The following MYO1D variants were observed in gnomAD, a reference collection of about 807,000 sequenced individuals.
MYO1D encodes the protein unconventional myosin-Id.
In MYO1D, 83 loss-of-function variants were observed where a neutral mutation model predicts 122.0. The ratio of observed to expected loss-of-function variants is 0.68; its 90% CI spans 0.57 to 0.82. The LOEUF is 0.82. Among genes scored for constraint, MYO1D ranks in the 40% least tolerant of loss-of-function variants. The probability of loss-of-function intolerance (pLI) is 0.00; values close to 1 mark genes in which losing one functional copy is unlikely to be tolerated. For missense variants in MYO1D, 1,157 were observed against 1,269.5 expected (o/e 0.91, Z 1.35); for synonymous variants, 464 against 446.9 (o/e 1.04, Z -0.48).
At chr17:32,797,712 TAAG>T (rs1323235233) in intron 1 of MYO1D, among the ~76,000 whole-genome samples, 5 of 152,160 alleles carry the variant, frequency 3.3e-5, no homozygotes, top group Non-Finnish European at 7.4e-5. Flanking sequence ...CCCTCACAGA[TAAG>T]GAGGAGCTAT....
At position 32,673,090 on chromosome 17, in the gene MYO1D, C is replaced by CTTTTTTTTTTTTTTTTTTTTT. The variant is rs60912187; in HGVS notation, c.2122-13773_2122-13753dup. 7.3e-4 allele frequency among the ~76,000 whole-genome samples: 21 copies of CTTTTTTTTTTTTTTTTTTTTT among 28,654 alleles called. 8 individuals are homozygous for CTTTTTTTTTTTTTTTTTTTTT. Among genetic ancestry groups the CTTTTTTTTTTTTTTTTTTTTT allele is most frequent in the South Asian group, 3.2e-3 (2 of 632 alleles). The allele number at this position is 28,654 out of a possible 152,430, so 18.8% of individuals were successfully genotyped here. On this transcript the variant is annotated intron_variant, in intron 16 of 21. Coordinates refer to ENST00000318217, the MANE Select transcript of MYO1D (RefSeq NM_015194.3). The stretch of plus-strand genomic sequence containing the variant: ...TGTAAGGAATTACATAAACATGCTA[C>CTTTTTTTTTTTTTTTTTTTTT]TTTTTTTTTTTTTTTTTTTTTTTTT...
chr17:32,817,346 A>C (rs62070169), intron 1 of MYO1D, among the ~76,000 whole-genome samples: 5,946 of 152,332 alleles, frequency 0.039, 171 homozygotes, highest in South Asian at 0.055. Context: ...ACAGGAAAAC[A>C]ACCACCAGAT....
intron 21 of MYO1D, among the ~76,000 whole-genome samples, chr17:32,508,753 G>A (rs1394278619): frequency 6.6e-6 from 1 of 152,200 alleles, no homozygotes; most frequent in Non-Finnish European, 1.5e-5. Context: ...CTGCCTGCCC[G>A]AAGTGATAGA....
chr17:32,827,308 G>A (rs912938491), intron 1 of MYO1D, among the ~76,000 whole-genome samples: 1 of 152,114 alleles, frequency 6.6e-6, no homozygotes, highest in African/African-American at 2.4e-5. Context: ...GTCACAAAAG[G>A]ACAAATATTG....
chr17:32,494,734 C>T lies in MYO1D; in HGVS notation c.*25G>A. The T allele has an allele frequency of 6.4e-7, 1 of 1,567,676 alleles. No homozygotes were observed. The highest frequency in any genetic ancestry group is 1.2e-5 in the South Asian group (1 of 84,708). Reference sequence around the variant, plus strand: ...ACCCAGGACTCGGAGTGTGGCCGGGCTCCGGGCCAGGCCTCCGCGGGGCGT... The same window carrying T: ...ACCCAGGACTCGGAGTGTGGCCGGGTTCCGGGCCAGGCCTCCGCGGGGCGT... On this transcript the variant is annotated 3_prime_UTR_variant, in exon 22 of 22. Coordinates refer to ENST00000318217, the MANE Select transcript of MYO1D (RefSeq NM_015194.3).
intron 19 of MYO1D, among the ~76,000 whole-genome samples, chr17:32,645,904 G>A (rs1474608627): frequency 6.6e-6 from 1 of 152,162 alleles, no homozygotes; most frequent in African/African-American, 2.4e-5. Context: ...CTCTCAGCTC[G>A]TCAAAGTCAT....
At chr17:32,703,067 G>A (rs1328027791) in intron 16 of MYO1D, among the ~76,000 whole-genome samples, 11 of 152,182 alleles carry the variant, frequency 7.2e-5, no homozygotes, top group Non-Finnish European at 1.5e-5. Context: ...TAATTTATAT[G>A]TTTAGTAGCC....
intron 1 of MYO1D, among the ~76,000 whole-genome samples, chr17:32,833,321 C>T (rs1408302329): frequency 6.6e-6 from 1 of 152,076 alleles, no homozygotes; most frequent in Non-Finnish European, 1.5e-5. Context: ...ATCGAGAATC[C>T]ATCTATCTTC....
intron 1 of MYO1D, among the ~76,000 whole-genome samples, chr17:32,855,689 T>C (rs1037882740): frequency 2.0e-5 from 3 of 152,224 alleles, no homozygotes; most frequent in African/African-American, 7.2e-5. Context: ...ATTTCTTGCA[T>C]GCCTAATATC....
At chr17:32,584,685 G>C (rs1164429777) in intron 21 of MYO1D, among the ~76,000 whole-genome samples, 1 of 151,972 alleles carries the variant, frequency 6.6e-6, no homozygotes, top group African/African-American at 2.4e-5. Flanking sequence ...GAAGAGACAA[G>C]AGTCTTGCCA....
At chr17:32,544,580 T>C (rs763736300) in intron 21 of MYO1D, among the ~76,000 whole-genome samples, 2 of 152,218 alleles carry the variant, frequency 1.3e-5, no homozygotes, top group Non-Finnish European at 2.9e-5. Context: ...TAGAGAATAC[T>C]AGCAATCTTC....
At chr17:32,611,657 G>A (rs776343902) in intron 20 of MYO1D, among the ~76,000 whole-genome samples, 35 of 152,246 alleles carry the variant, frequency 2.3e-4, no homozygotes, top group South Asian at 1.7e-3. Flanking sequence ...TGGCCAACAC[G>A]GTGAAACCCC....
chr17:32,534,484 T>A (rs1910601671), intron 21 of MYO1D, among the ~76,000 whole-genome samples: 1 of 152,168 alleles, frequency 6.6e-6, no homozygotes. Context: ...GAAAAATATA[T>A]TTTAAAAGAA....
intron 21 of MYO1D, among the ~76,000 whole-genome samples, chr17:32,582,435 G>A (rs1424690291): frequency 1.3e-5 from 2 of 152,178 alleles, no homozygotes; most frequent in Admixed American, 6.5e-5. Context: ...ACTTTGGAGT[G>A]TGTTATTTGG....
chr17:32,563,024 G>A (rs8066363), intron 21 of MYO1D, among the ~76,000 whole-genome samples: 40,592 of 151,848 alleles, frequency 0.27, 6,325 homozygotes, highest in African/African-American at 0.43. Flanking sequence ...CTGCATTCTC[G>A]TGAATGTAGA....
At chr17:32,855,783 C>T (rs1281060006) in intron 1 of MYO1D, among the ~76,000 whole-genome samples, 1 of 152,268 alleles carries the variant, frequency 6.6e-6, no homozygotes, top group East Asian at 1.9e-4. Context: ...GAGGAGGTCA[C>T]AACAGAGTAA....
At chr17:32,628,507 G>C (rs2087957557) in intron 20 of MYO1D, among the ~76,000 whole-genome samples, 1 of 152,174 alleles carries the variant, frequency 6.6e-6, no homozygotes, top group African/African-American at 2.4e-5. Flanking sequence ...GCTAATGGAA[G>C]AGGGGGAAAA....
rs71144843 is a variant in MYO1D at position 32,580,289 on chromosome 17, ATTTTTTTTTTTTTTTTTTT to A, written c.2864+24779_2864+24797del. On this transcript the variant is annotated intron_variant, in intron 21 of 21. Transcript: ENST00000318217. ...CTTCTATTGTTAGTCTGCTAAGAGG[ATTTTTTTTTTTTTTTTTTT>A]TTTTTTTTTTTTTTTTTACCAGAAA... 3.0e-3 allele frequency among the ~76,000 whole-genome samples: 119 copies of A among 39,138 alleles called. 2 individuals are homozygous for A. The highest frequency in any genetic ancestry group is 4.3e-3 in the Non-Finnish European group (100 of 23,318). The allele number at this position is 39,138 out of a possible 152,430, so 25.7% of individuals were successfully genotyped here. A position where few individuals can be genotyped will look rare whatever the true frequency, so the allele number is the denominator to read the frequency against.
rs2090042084 is a variant in MYO1D, at chr17:32,765,089, A to G, written c.832-8T>C. On this transcript the variant is annotated splice_polypyrimidine_tract_variant and splice_region_variant and intron_variant, in intron 7 of 21. Coordinates refer to ENST00000318217, the MANE Select transcript of MYO1D (RefSeq NM_015194.3). ...TACAAATTTTAAATTTCCCTGTATC[A>G]AAAGTGAAAAAAATAACACATTATG... is the stretch of plus-strand genomic sequence containing the variant. 9 of 1,596,768 alleles carry G rather than the reference A, an allele frequency of 5.6e-6. No individual in the cohort carries two copies. The highest frequency in any genetic ancestry group is 1.3e-5 in the African/African-American group (1 of 74,522).
Sources: allele counts gnomAD v4.1 joint callset (sites outside exome capture counted in the v4.1 genomes callset), GRCh38; gene constraint gnomAD v4.1.1; transcripts MANE v1.5; gene names NCBI Gene and HGNC (gene_info 2026-07-23, HGNC 2026-07-21).